C2CD3: variants seen among roughly 807,000 people sequenced by gnomAD.
The protein encoded by C2CD3 is C2 domain containing 3 centriole elongation regulator.
In C2CD3, 148 loss-of-function variants were observed where a neutral mutation model predicts 234.0. That is an observed-to-expected ratio of 0.63 (90% CI 0.55 to 0.72). C2CD3 has a LOEUF of 0.72. Ranked by LOEUF, C2CD3 falls within the 30% of genes least tolerant of loss-of-function variation. The pLI is 0.00. For synonymous variants in C2CD3, 1,000 were observed against 1,035.4 expected (o/e 0.97, Z 0.66); for missense variants, 2,577 against 2,811.5 (o/e 0.92, Z 1.89).
chr11:74,043,272 T>C (rs1953163118), intron 28 of C2CD3, among the ~76,000 whole-genome samples: 1 of 152,234 alleles, frequency 6.6e-6, no homozygotes, highest in African/African-American at 2.4e-5. Flanking sequence ...CTTCTTTCAT[T>C]TAGCATAATG....
At chr11:74,104,254 G>A (rs938932256) in intron 13 of C2CD3, among the ~76,000 whole-genome samples, 1 of 152,142 alleles carries the variant, frequency 6.6e-6, no homozygotes, top group Non-Finnish European at 1.5e-5. Context: ...AGATTAGGAA[G>A]ATCTGACAAA....
intron 3 of C2CD3, among the ~76,000 whole-genome samples, chr11:74,149,507 T>C (rs1855452644): frequency 6.6e-6 from 1 of 152,202 alleles, no homozygotes; most frequent in African/African-American, 2.4e-5. Context: ...TTTGTGTTTT[T>C]ATTGTTCTTA....
chr11:74,031,639 G>T (rs904194935), intron 31 of C2CD3, among the ~76,000 whole-genome samples: 1 of 152,090 alleles, frequency 6.6e-6, no homozygotes, highest in African/African-American at 2.4e-5. Context: ...ATCTCATAAT[G>T]GGAACTTCTC....
chr11:74,115,169 A>T (rs1956880955), intron 9 of C2CD3, among the ~76,000 whole-genome samples: 1 of 151,882 alleles, frequency 6.6e-6, no homozygotes, highest in Non-Finnish European at 1.5e-5. Flanking sequence ...TAAAAAAAAA[A>T]TTTAAAAATA....
intron 7 of C2CD3, among the ~76,000 whole-genome samples, chr11:74,131,851 C>G (rs943760434): frequency 6.6e-6 from 1 of 152,118 alleles, no homozygotes; most frequent in Non-Finnish European, 1.5e-5. Context: ...GGATTATAGG[C>G]GTGAGCTTTT....
chr11:74,146,851 G>A (rs936696753), intron 3 of C2CD3, among the ~76,000 whole-genome samples: 7 of 151,800 alleles, frequency 4.6e-5, no homozygotes, highest in Admixed American at 1.3e-4. Flanking sequence ...TCAGGAGCTC[G>A]AGACCAGCCT....
At chr11:74,035,677 G>A (rs1952706661) in intron 30 of C2CD3, among the ~76,000 whole-genome samples, 1 of 151,466 alleles carries the variant, frequency 6.6e-6, no homozygotes, top group Non-Finnish European at 1.5e-5. Context: ...AGGCATAATG[G>A]AGCATAATGG....
chr11:74,155,226 A>AT (rs1265156332), intron 3 of C2CD3, among the ~76,000 whole-genome samples: 2 of 152,234 alleles, frequency 1.3e-5, no homozygotes, highest in Non-Finnish European at 2.9e-5. Flanking sequence ...TGCTCTATTA[A>AT]AAACAATTCT....
chr11:74,084,967 C>T lies in C2CD3; in HGVS notation c.3914G>A (p.Ser1305Asn). 1.2e-6 allele frequency: 2 copies of T among 1,603,240 alleles called. No individual in the cohort carries two copies. Among genetic ancestry groups the T allele is most frequent in the Non-Finnish European group, 1.7e-6 (2 of 1,171,146 alleles). ...GCATGACTCAATACTGATTATATCA[C>T]TTGCTGTTAAATCAAGCAAAAAAGA... ...AVYHENTKSA[S>N]DIISIESCKE... The change falls in exon 22 of 33, where the codon AGT (serine) becomes AAT (asparagine). Residue 1305 changes from serine (S) to asparagine (N), a missense_variant. Physicochemically the swap from Ser to Asn is conservative, Grantham distance 46. Transcript: ENST00000334126.
intron 27 of C2CD3, among the ~76,000 whole-genome samples, chr11:74,049,012 T>C (rs1467104996): frequency 6.6e-6 from 1 of 152,178 alleles, no homozygotes; most frequent in Non-Finnish European, 1.5e-5. Context: ...TGTAACAGAG[T>C]TGAAAAACAA....
chr11:74,093,536 T>C (rs369834969), intron 18 of C2CD3, among the ~76,000 whole-genome samples: 7 of 151,900 alleles, frequency 4.6e-5, no homozygotes, highest in Non-Finnish European at 7.4e-5. Flanking sequence ...AAAAAGGTGA[T>C]TGATATGTTT....
chr11:74,051,114 C>T (rs1255465549), intron 26 of C2CD3, among the ~76,000 whole-genome samples: 1 of 150,736 alleles, frequency 6.6e-6, no homozygotes, highest in Non-Finnish European at 1.5e-5. Context: ...TAACATGACC[C>T]CATCTCTAAA....
intron 11 of C2CD3, chr11:74,110,694 T>C (rs974578940): frequency 6.6e-6 from 1 of 152,274 alleles, no homozygotes; most frequent in South Asian, 2.1e-4. Flanking sequence ...ACTATATTTC[T>C]TATATAATTC....
chr11:74,031,677 T>C (rs1384974586), intron 31 of C2CD3, among the ~76,000 whole-genome samples: 3 of 152,194 alleles, frequency 2.0e-5, no homozygotes, highest in East Asian at 1.9e-4. Flanking sequence ...AAATCTGTCC[T>C]TGGCACCCAG....
At chr11:74,128,131 G>A (rs1279271180) in intron 7 of C2CD3, among the ~76,000 whole-genome samples, 2 of 152,180 alleles carry the variant, frequency 1.3e-5, no homozygotes, top group Non-Finnish European at 2.9e-5. Context: ...CCAAAGTGCC[G>A]GGATCACAGG....
At chr11:74,056,599 A>G (rs1256509837) in intron 25 of C2CD3, among the ~76,000 whole-genome samples, 1 of 152,244 alleles carries the variant, frequency 6.6e-6, no homozygotes, top group Non-Finnish European at 1.5e-5. Flanking sequence ...TAACTTGATC[A>G]CACAGTCAGT....
At chr11:74,110,296 T>C (rs1034992990) in intron 11 of C2CD3, among the ~76,000 whole-genome samples, 5 of 152,200 alleles carry the variant, frequency 3.3e-5, no homozygotes, top group Non-Finnish European at 7.3e-5. Flanking sequence ...GGCCCAGTTA[T>C]GTATGAAGAG....
intron 3 of C2CD3, among the ~76,000 whole-genome samples, chr11:74,148,755 T>C (rs955542949): frequency 5.9e-5 from 9 of 152,146 alleles, no homozygotes; most frequent in Admixed American, 1.3e-4. Context: ...TAAAGCCACC[T>C]TTCTTCCTTC....
chr11:74,166,939 T>C (rs1278742178), intron 2 of C2CD3, among the ~76,000 whole-genome samples: 1 of 152,206 alleles, frequency 6.6e-6, no homozygotes, highest in East Asian at 1.9e-4. Context: ...CTAAGGAACC[T>C]CTCAGCATCA....
Sources: gnomAD v4.1 joint callset for allele counts (sites outside exome capture counted in the v4.1 genomes callset) on GRCh38, gnomAD v4.1.1 for gene constraint, MANE v1.5 for transcripts, NCBI Gene and HGNC (gene_info 2026-07-23, HGNC 2026-07-21) for gene names.